Variants in KHDRBS3 observed in about 807,000 individuals in gnomAD.
KHDRBS3 encodes the protein KH domain-containing, RNA-binding, signal transduction-associated protein 3.
In KHDRBS3, 23 loss-of-function variants were observed where a neutral mutation model predicts 45.6. The observed-to-expected ratio is 0.50, with a 90% confidence interval of 0.36 to 0.72. The LOEUF (loss-of-function observed/expected upper bound fraction) is 0.72, where lower values mean the gene tolerates loss of function less well. KHDRBS3 is among the 30% of genes least tolerant of loss of function. KHDRBS3 has a pLI of 0.00. For synonymous variants in KHDRBS3, 162 were observed against 156.5 expected, an observed-to-expected ratio of 1.04 and a Z score of -0.26; for missense variants, 352 against 424.8, an observed-to-expected ratio of 0.83 and a Z score of 1.51.
At chr8:135,548,644 C>T (rs1437882951) in intron 3 of KHDRBS3, 110 bp from the exon 4 acceptor site, 2 of 862,742 alleles carry the variant, frequency 2.3e-6, no homozygotes, top group Non-Finnish European at 3.3e-6. Flanking sequence ...AACCGCTTGC[C>T]AGATGGATTG....
intron 1 of KHDRBS3, among the ~76,000 whole-genome samples, chr8:135,466,845 C>T (rs562615346): frequency 4.5e-4 from 68 of 152,360 alleles, no homozygotes; most frequent in African/African-American, 1.6e-3. Flanking sequence ...TTATTCGACA[C>T]ATATTTGTTG....
At chr8:135,501,839 T>C (rs1823750334) in intron 1 of KHDRBS3, among the ~76,000 whole-genome samples, 1 of 152,196 alleles carries the variant, frequency 6.6e-6, no homozygotes, top group African/African-American at 2.4e-5. Flanking sequence ...TATGCTGTTG[T>C]ATAGTAATTC....
chr8:135,634,643 T>C (rs1442984209), intron 7 of KHDRBS3, among the ~76,000 whole-genome samples: 3 of 152,200 alleles, frequency 2.0e-5, no homozygotes, highest in African/African-American at 7.2e-5. Context: ...TAAAACTGTT[T>C]GTAAGGATTT....
At chr8:135,529,555 C>G (rs966183642) in intron 2 of KHDRBS3, among the ~76,000 whole-genome samples, 1 of 152,060 alleles carries the variant, frequency 6.6e-6, no homozygotes, top group Admixed American at 6.5e-5. Context: ...AATCCAAAAA[C>G]AGCCAGGCAT....
At chr8:135,477,750 T>G (rs1822363350) in intron 1 of KHDRBS3, among the ~76,000 whole-genome samples, 1 of 152,212 alleles carries the variant, frequency 6.6e-6, no homozygotes, top group Non-Finnish European at 1.5e-5. Flanking sequence ...GGTGGACCTG[T>G]TATCACAGTG....
At position 135,645,109 on chromosome 8, in the gene KHDRBS3, A is replaced by T. The variant is rs1236873266; in HGVS notation, c.941A>T (p.Asp314Val). 2 of 1,613,678 alleles carry T rather than the reference A, an allele frequency of 1.2e-6. No individual in the cohort carries two copies. Residue 314 changes from aspartate to valine, a missense_variant, in exon 8 of 9, where the codon GAT (aspartate) becomes GTT (valine). By Grantham distance (152) the Asp-to-Val change is radical. This residue lies in a region of KHDRBS3 where 212 missense variants were observed against 209.6 expected (regional missense o/e 1.01). Coordinates refer to ENST00000355849, the MANE Select transcript of KHDRBS3 (RefSeq NM_006558.3). ...CATGGACTCAGTGAGGAGACTTATG[A>T]TTCCTACGGTGAGTGACTGGCCAGA... is the stretch of plus-strand genomic sequence containing the variant. ...YGHGLSEETY[D>V]SYGQEEWTNS...
chr8:135,461,259 C>T (rs1463806205), intron 1 of KHDRBS3, among the ~76,000 whole-genome samples: 1 of 152,120 alleles, frequency 6.6e-6, no homozygotes, highest in East Asian at 1.9e-4. Flanking sequence ...TGTGCGCCAC[C>T]ATGCCTGGTT....
chr8:135,583,289 A>G (rs770011540), intron 6 of KHDRBS3, among the ~76,000 whole-genome samples: 3 of 152,216 alleles, frequency 2.0e-5, no homozygotes, highest in African/African-American at 4.8e-5. Flanking sequence ...ATCCCGTAAT[A>G]GTTTTACAAG....
intron 7 of KHDRBS3, chr8:135,625,814 G>A (rs568334670): frequency 1.7e-5 from 13 of 768,894 alleles, no homozygotes; most frequent in Middle Eastern, 3.6e-4. Context: ...TCTTCAAGGC[G>A]GTGGAGCCAG....
chr8:135,466,864 A>C (rs144816843), intron 1 of KHDRBS3, among the ~76,000 whole-genome samples: 2 of 152,236 alleles, frequency 1.3e-5, no homozygotes, highest in African/African-American at 4.8e-5. Context: ...TGAATTGCTG[A>C]GTTGACCTGT....
At chr8:135,503,574 T>G (rs534385308) in intron 1 of KHDRBS3, among the ~76,000 whole-genome samples, 10 of 152,072 alleles carry the variant, frequency 6.6e-5, no homozygotes, top group Non-Finnish European at 1.3e-4. Flanking sequence ...TTTTGTTTTT[T>G]TTTTTTCTTC....
intron 5 of KHDRBS3, among the ~76,000 whole-genome samples, chr8:135,580,309 A>G (rs1828141612): frequency 6.6e-6 from 1 of 152,226 alleles, no homozygotes; most frequent in African/African-American, 2.4e-5. Context: ...TTTGGACAAG[A>G]TTATAGAGAA....
chr8:135,494,367 C>T (rs1159972714), intron 1 of KHDRBS3, among the ~76,000 whole-genome samples: 1 of 150,072 alleles, frequency 6.7e-6, no homozygotes, highest in East Asian at 2.0e-4. Context: ...CAAGCTCCGC[C>T]TCCCGGGTTC....
At chr8:135,511,277 G>A (rs1027252178) in intron 1 of KHDRBS3, among the ~76,000 whole-genome samples, 2 of 152,152 alleles carry the variant, frequency 1.3e-5, no homozygotes, top group South Asian at 2.1e-4. Context: ...CAGCAGTGTT[G>A]CAGAGATTGA....
intron 2 of KHDRBS3, among the ~76,000 whole-genome samples, chr8:135,529,377 G>A (rs141377280): frequency 7.0e-4 from 107 of 152,284 alleles, no homozygotes; most frequent in African/African-American, 2.1e-3. Flanking sequence ...AAATATGACA[G>A]CATTTCAGAT....
intron 4 of KHDRBS3, among the ~76,000 whole-genome samples, chr8:135,550,590 A>G (rs1000412236): frequency 6.6e-6 from 1 of 152,124 alleles, no homozygotes; most frequent in Non-Finnish European, 1.5e-5. Flanking sequence ...TTGTATGCCT[A>G]CTCTTAATGC....
chr8:135,559,236 G>A (rs1026659599), intron 5 of KHDRBS3, among the ~76,000 whole-genome samples: 1 of 151,136 alleles, frequency 6.6e-6, no homozygotes, highest in Non-Finnish European at 1.5e-5. Flanking sequence ...AAGGTTCCTG[G>A]GATTAGGACA....
rs767448311 is a variant in KHDRBS3, at chr8:135,647,015, A to C, written c.972A>C (p.Ser324=). 6.9e-6 allele frequency: 11 copies of C among 1,605,768 alleles called. No homozygotes were observed. The South Asian group carries it at 9.9e-5, about 14-fold the overall frequency. Residue 324 remains serine, a synonymous_variant, in exon 9 of 9, where the codon TCA becomes TCC. Coordinates refer to ENST00000355849, the MANE Select transcript of KHDRBS3 (RefSeq NM_006558.3). ...TAGGGCAAGAAGAGTGGACTAACTC[A>C]AGACACAAGGCACCTTCAGCGAGGA... The part of the protein sequence containing the change: ...DSYGQEEWTN[S]RHKAPSARTA...
intron 5 of KHDRBS3, among the ~76,000 whole-genome samples, chr8:135,569,808 G>T (rs185375338): frequency 5.4e-4 from 82 of 152,248 alleles, no homozygotes; most frequent in African/African-American, 1.9e-3. Flanking sequence ...AGGAGGCCTT[G>T]CTCAGTGCGG....
Sources: allele counts gnomAD v4.1 joint callset (sites outside exome capture counted in the v4.1 genomes callset), GRCh38; gene constraint gnomAD v4.1.1; regional missense constraint gnomAD v4.1.1; transcripts MANE v1.5; gene names NCBI Gene and HGNC (gene_info 2026-07-23, HGNC 2026-07-21).